The following UBR4 variants were observed in gnomAD, a reference collection of about 807,000 sequenced individuals.
UBR4 encodes E3 ubiquitin-protein ligase UBR4.
Under a neutral mutation model 575.6 loss-of-function variants are expected in UBR4, and 124 were observed. That is an observed-to-expected ratio of 0.22 (90% CI 0.19 to 0.25). The LOEUF is 0.25. Among genes scored for constraint, UBR4 ranks in the 10% least tolerant of loss-of-function variants. UBR4 has a pLI of 1.00. For missense variants in UBR4, 4,818 were observed against 6,478.8 expected, an observed-to-expected ratio of 0.74 and a Z score of 8.80; for synonymous variants, 2,455 against 2,473.7, an observed-to-expected ratio of 0.99 and a Z score of 0.22.
chr1:19,146,504 C>T (rs1183190318), intron 52 of UBR4, among the ~76,000 whole-genome samples: 1 of 152,224 alleles, frequency 6.6e-6, no homozygotes, highest in Non-Finnish European at 1.5e-5. Context: ...GCCATAGTTG[C>T]TTTAAAGCAA....
Position 19,096,590 on chromosome 1 carries a change from C to G in UBR4, c.13451G>C (p.Gly4484Ala). ...KMAGVMAQCG[G>A]LECMLNRLAG... ...GAGTCTGTTAAGCATGCATTCCAGG[C>G]CCCCACACTGGGCCATCACACCAGC... The change falls in exon 92 of 106, where the codon GGC (glycine) becomes GCC (alanine). Residue 4484 changes from glycine to alanine, a missense_variant. Around this residue, in one of 29 missense-constraint regions of UBR4, gnomAD observed 165 missense variants for 282.3 expected, o/e 0.58. Coordinates refer to ENST00000375254, the MANE Select transcript of UBR4 (RefSeq NM_020765.3). 1 of 1,613,786 alleles carries G rather than the reference C, an allele frequency of 6.2e-7. No individual in the cohort carries two copies. Among genetic ancestry groups the G allele is most frequent in the Non-Finnish European group, 8.5e-7 (1 of 1,179,898 alleles).
chr1:19,140,946 C>T (rs756967521), intron 57 of UBR4, 54 bp from the exon 58 acceptor site: 20 of 1,537,766 alleles, frequency 1.3e-5, no homozygotes, highest in Non-Finnish European at 1.4e-5. Flanking sequence ...CCATCCACAG[C>T]GCTGCTTTGG....
Position 19,160,984 on chromosome 1 carries a change from T to C in UBR4, c.5339A>G (p.Glu1780Gly). The C allele has an allele frequency of 1.2e-6, 2 of 1,614,184 alleles. No individual in the cohort carries two copies. The highest frequency in any genetic ancestry group is 1.7e-6 in the Non-Finnish European group (2 of 1,180,032). The change falls in exon 38 of 106, where the codon GAA (glutamate) becomes GGA (glycine). Residue 1780 changes from glutamate (E) to glycine (G), a missense_variant. Physicochemically the swap from Glu to Gly is moderately conservative, Grantham distance 98. Coordinates refer to ENST00000375254, the MANE Select transcript of UBR4 (RefSeq NM_020765.3). ...GAGGCTGCTCTTCTTGGGCTTCTCT[T>C]CGTCAGCAACCTTTCCATCACTGAT... ...VTISDGKVAD[E>G]EKPKKSSLCR...
intron 87 of UBR4, among the ~76,000 whole-genome samples, chr1:19,102,416 A>T (rs1175242892): frequency 6.6e-6 from 1 of 152,122 alleles, no homozygotes; most frequent in Non-Finnish European, 1.5e-5. Flanking sequence ...TTAAAATTAA[A>T]AAAAAAGGTA....
chr1:19,119,664 G>C lies in UBR4; in HGVS notation c.10348C>G (p.Leu3450Val), dbSNP rs531585950. ...AGTTCTGGCCAGATGGACCACATCA[G>C]ATCTAGCAGGAGCTCCTGTTGAGAT... ...SKSQQELLLD[L>V]MWSIWPELPA... Residue 3450 changes from leucine to valine, a missense_variant, in exon 70 of 106, where the codon CTG becomes GTG. This residue lies in a region of UBR4 where 550 missense variants were observed against 791.5 expected (regional missense o/e 0.69). Transcript: ENST00000375254. 29 of 1,613,366 alleles carry C rather than the reference G, an allele frequency of 1.8e-5. No homozygotes were observed. The highest frequency in any genetic ancestry group is 1.3e-4 in the East Asian group (6 of 44,874).
At chr1:19,108,736 T>C (rs2079512994) in intron 81 of UBR4, among the ~76,000 whole-genome samples, 1 of 152,168 alleles carries the variant, frequency 6.6e-6, no homozygotes, top group Admixed American at 6.5e-5. Flanking sequence ...AATAGTGTCT[T>C]AGGACAATTA....
At position 19,079,793 on chromosome 1, in the gene UBR4, G is replaced by A. The variant is rs1288741836; in HGVS notation, c.15233+1556C>T. 9 of 152,226 alleles carry A rather than the reference G, an allele frequency of 5.9e-5. 1 individual carries two copies. Among genetic ancestry groups the A allele is most frequent in the Non-Finnish European group, 1.0e-4 (7 of 68,046 alleles). 9.4% of individuals were successfully genotyped at this position (152,226 alleles called of 1,614,324 possible). A position where few individuals can be genotyped will look rare whatever the true frequency, so the allele number is the denominator to read the frequency against. On this transcript the variant is annotated intron_variant, in intron 103 of 105. Transcript: ENST00000375254. The stretch of plus-strand genomic sequence containing the variant: ...TGCCGGGCTCACGGCCCCGGACCAC[G>A]GCCGTATTTGGCCCTTTGCTGTGGC...
Position 19,170,792 on chromosome 1 carries a change from C to T in UBR4, c.3613G>A (p.Gly1205Ser). 1 of 1,614,118 alleles carries T rather than the reference C, an allele frequency of 6.2e-7. No individual in the cohort carries two copies. The highest frequency in any genetic ancestry group is 8.5e-7 in the Non-Finnish European group (1 of 1,180,018). The change falls in exon 26 of 106, where the codon GGC becomes AGC. Residue 1205 changes from glycine (G) to serine (S), a missense_variant. Coordinates refer to ENST00000375254, the MANE Select transcript of UBR4 (RefSeq NM_020765.3). ...LQGFAAVLAIGSSRCKANTLG... is the reference protein window; with the variant it reads ...LQGFAAVLAISSSRCKANTLG... ...GTATTTGCCTTGCACCTGCTAGAGC[C>T]AATAGCCAAAACAGCAGCAAAGCCT...
At chr1:19,194,955 A>G (rs889698050) in intron 8 of UBR4, among the ~76,000 whole-genome samples, 1 of 151,850 alleles carries the variant, frequency 6.6e-6, no homozygotes, top group African/African-American at 2.4e-5. Flanking sequence ...TCTTAAATAA[A>G]TAAATAAATA....
Position 19,143,190 on chromosome 1 carries a change from AAAGG to A in UBR4, c.8179+786_8179+789del, listed in dbSNP as rs199926049. ...AGGAAGGAAGGAAGAAAAAAGAAAG[AAAGG>A]AAGGAAGGAAGGAAGGAAAGAAAGG... On this transcript the variant is annotated intron_variant, in intron 55 of 105. Transcript: ENST00000375254. 9.7e-3 allele frequency among the ~76,000 whole-genome samples: 1,445 copies of A among 148,622 alleles called. 23 individuals carry two copies. The highest frequency in any genetic ancestry group is 0.03 in the African/African-American group (1,177 of 39,774).
intron 51 of UBR4, 57 bp from the exon 52 acceptor site, chr1:19,147,057 C>A: frequency 6.7e-7 from 1 of 1,500,212 alleles, no homozygotes; most frequent in Non-Finnish European, 8.9e-7. Flanking sequence ...GGTACAAAAG[C>A]AAAGAGGAGA....
chr1:19,125,688 G>A (rs76604492), intron 64 of UBR4: 2,653 of 152,356 alleles, frequency 0.017, 70 homozygotes, highest in African/African-American at 0.061. Context: ...GGGTCCTCCA[G>A]AACTCTTTGG....
intron 20 of UBR4, among the ~76,000 whole-genome samples, chr1:19,175,680 C>T (rs2090166504): frequency 6.6e-6 from 1 of 152,166 alleles, no homozygotes; most frequent in African/African-American, 2.4e-5. Context: ...ATTAGAACCA[C>T]AACTCTAAGG....
In UBR4 at chr1:19,122,980, C is replaced by T; in HGVS notation, c.9669G>A (p.Lys3223=). 1 of 1,614,236 alleles carries T rather than the reference C, an allele frequency of 6.2e-7. No individual in the cohort carries two copies. Among genetic ancestry groups the T allele is most frequent in the Non-Finnish European group, 8.5e-7 (1 of 1,180,034 alleles). ...TGTGCAAATCCCGGAGCTGGCGGTA[C>T]TTCTCTTTGGATCCACAGATGAAGA... ...LLLFICGSKE[K]YRQLRDLHTL... Residue 3223 remains lysine (K), a synonymous_variant, in exon 66 of 106, where the codon AAG becomes AAA. Transcript: ENST00000375254.
rs763524091 is a variant in UBR4, at chr1:19,077,762, A to AAACC, written c.15324+213_15324+214insGGTT. The AAACC allele has an allele frequency of 6.4e-4, 959 of 1,487,900 alleles. 6 individuals carry two copies. The African/African-American group carries it at 0.012, about 19-fold the overall frequency. 92.2% of individuals were successfully genotyped at this position (1,487,900 alleles called of 1,614,324 possible). On this transcript the variant is annotated intron_variant, in intron 104 of 105. Coordinates refer to ENST00000375254, the MANE Select transcript of UBR4 (RefSeq NM_020765.3). ...AAAACCAAACCAAACCAAACCAAACAAAACCAAACAAAACAAATGTACCTC... is the reference window on the plus strand; with the variant it reads ...AAAACCAAACCAAACCAAACCAAACAAACCAAACCAAACAAAACAAATGTACCTC...
Position 19,112,796 on chromosome 1 carries a change from G to A in UBR4, c.11529C>T (p.Ser3843=). 1.2e-6 allele frequency: 2 copies of A among 1,614,162 alleles called. No homozygotes were observed. Among genetic ancestry groups the A allele is most frequent in the African/African-American group, 1.3e-5 (1 of 75,062 alleles). ...TGAATGTGGGCTGCACGGAGGTCCG[G>A]GATGATTTAGTGGCTGCTTCCCTCT... ...LQQREAATKS[S]RTSVQPTFTA... is the part of the protein sequence containing the mutation. The change falls in exon 78 of 106, where the codon TCC becomes TCT. Residue 3843 remains serine (S), a synonymous_variant. Coordinates refer to ENST00000375254, the MANE Select transcript of UBR4 (RefSeq NM_020765.3).
At chr1:19,126,039 G>A (rs910085548) in intron 64 of UBR4, among the ~76,000 whole-genome samples, 6 of 152,084 alleles carry the variant, frequency 3.9e-5, no homozygotes, top group African/African-American at 1.4e-4. Context: ...AACACAAGAT[G>A]GGACTTATCC....
intron 94 of UBR4, among the ~76,000 whole-genome samples, 181 bp downstream of exon 94, chr1:19,094,725 A>C (rs138366074): frequency 2.8e-4 from 42 of 152,340 alleles, no homozygotes; most frequent in Admixed American, 2.5e-3. Flanking sequence ...CTTGCTCTGA[A>C]TCCAAAGATT....
intron 2 of UBR4, among the ~76,000 whole-genome samples, 168 bp from the exon 3 acceptor site, chr1:19,199,922 G>T (rs1302597255): frequency 1.3e-5 from 2 of 152,164 alleles, no homozygotes; most frequent in Non-Finnish European, 2.9e-5. Context: ...ATAACTACCA[G>T]ATCAATTTAT....
Sources: allele counts gnomAD v4.1 joint callset (sites outside exome capture counted in the v4.1 genomes callset), GRCh38; gene constraint gnomAD v4.1.1; regional missense constraint gnomAD v4.1.1; transcripts MANE v1.5; gene names NCBI Gene and HGNC (gene_info 2026-07-23, HGNC 2026-07-21).